Variants in FAAH2 observed in about 807,000 individuals in gnomAD.
The protein encoded by FAAH2 is fatty-acid amide hydrolase 2.
Under a neutral mutation model 36.9 loss-of-function variants are expected in FAAH2, and 60 were observed. The ratio of observed to expected loss-of-function variants is 1.63; its 90% CI spans 1.32 to 2.02. The LOEUF (loss-of-function observed/expected upper bound fraction) is 2.02, where lower values mean the gene tolerates loss of function less well. Among genes scored for constraint, FAAH2 ranks in the 30% most tolerant of loss-of-function variants. FAAH2 has a pLI of 0.00. For missense variants in FAAH2, 689 were observed against 397.5 expected, an observed-to-expected ratio of 1.73 and a Z score of -6.23; for synonymous variants, 214 against 143.8, an observed-to-expected ratio of 1.49 and a Z score of -3.49.
At chrX:57,475,036 G>A (rs1391568299) in intron 10 of FAAH2, among the ~76,000 whole-genome samples, 1 of 111,666 alleles carries the variant, frequency 9.0e-6, no homozygotes, top group Non-Finnish European at 1.9e-5. Context: ...CCCAATTTTT[G>A]ATGGGATTTT....
chrX:57,209,884 CT>C, the FAAH2 span, among the ~76,000 whole-genome samples: 4 of 110,664 alleles, frequency 3.6e-5, no homozygotes, highest in African/African-American at 1.3e-4. Flanking sequence ...CGAGTCCCCT[CT>C]GGCTATGACT....
intron 10 of FAAH2, among the ~76,000 whole-genome samples, chrX:57,475,285 A>G (rs62334728): frequency 8.9e-6 from 1 of 111,735 alleles, no homozygotes; most frequent in East Asian, 2.8e-4. Context: ...TATGTCCAGA[A>G]TGGTATTGCC....
intron 7 of FAAH2, among the ~76,000 whole-genome samples, chrX:57,403,654 C>G (rs776286533): frequency 4.4e-5 from 5 of 112,435 alleles, no homozygotes; most frequent in African/African-American, 1.3e-4. Flanking sequence ...GCAAACAGCT[C>G]GCACGTTTGA....
chrX:57,473,201 G>C (rs2057201900), intron 10 of FAAH2, among the ~76,000 whole-genome samples: 1 of 110,785 alleles, frequency 9.0e-6, no homozygotes, highest in African/African-American at 3.3e-5. Flanking sequence ...CTTTTTTGCT[G>C]TGTTTTAGAT....
the FAAH2 span, among the ~76,000 whole-genome samples, chrX:57,205,588 C>A: frequency 1.8e-5 from 2 of 112,223 alleles, no homozygotes; most frequent in Non-Finnish European, 3.8e-5. Context: ...ATTACAGGTA[C>A]AAGCTCTGCT....
intron 7 of FAAH2, among the ~76,000 whole-genome samples, chrX:57,430,039 AG>A (rs765330277): frequency 9.0e-5 from 10 of 111,384 alleles, no homozygotes; most frequent in Non-Finnish European, 1.3e-4. Context: ...AAAGGATGGG[AG>A]GGATCAGAGG....
chrX:57,173,403 T>A, the FAAH2 span, among the ~76,000 whole-genome samples: 1 of 112,278 alleles, frequency 8.9e-6, no homozygotes, highest in East Asian at 2.8e-4. Flanking sequence ...TGTATAGCAG[T>A]GCTACTGATT....
At chrX:57,414,557 G>T (rs959380253) in intron 7 of FAAH2, among the ~76,000 whole-genome samples, 2 of 111,619 alleles carry the variant, frequency 1.8e-5, no homozygotes, top group Admixed American at 9.6e-5. Flanking sequence ...TGCATCCCAG[G>T]GATGAAGCTG....
chrX:57,275,349 C>T, the FAAH2 span, among the ~76,000 whole-genome samples: 2 of 112,349 alleles, frequency 1.8e-5, no homozygotes, highest in African/African-American at 3.2e-5. Flanking sequence ...GGTGGAAAGG[C>T]CTGAGCCAAG....
chrX:57,161,831 C>G, the FAAH2 span, among the ~76,000 whole-genome samples: 12 of 111,690 alleles, frequency 1.1e-4, no homozygotes, highest in Admixed American at 8.5e-4. Flanking sequence ...CAGTCTGTGT[C>G]TTTTAAATGG....
At chrX:57,223,895 C>G in the FAAH2 span, among the ~76,000 whole-genome samples, 4 of 111,616 alleles carry the variant, frequency 3.6e-5, no homozygotes, top group Non-Finnish European at 7.5e-5. Context: ...AATGGGTTCT[C>G]CACACACCCT....
intron 10 of FAAH2, among the ~76,000 whole-genome samples, chrX:57,450,522 T>C (rs1275200243): frequency 8.9e-6 from 1 of 112,126 alleles, no homozygotes; most frequent in Non-Finnish European, 1.9e-5. Flanking sequence ...TTATTGTCTT[T>C]ACTAAAGCTG....
chrX:57,161,184 T>C, the FAAH2 span, among the ~76,000 whole-genome samples: 1 of 112,309 alleles, frequency 8.9e-6, no homozygotes, highest in African/African-American at 3.2e-5. Context: ...GAGAGTTTCT[T>C]AATCCTGAGT....
chrX:57,253,169 A>T, the FAAH2 span, among the ~76,000 whole-genome samples: 1 of 111,149 alleles, frequency 9.0e-6, no homozygotes, highest in Non-Finnish European at 1.9e-5. Flanking sequence ...GATATCAGTG[A>T]TTGAAGATCA....
chrX:57,350,047 T>A (rs1464208672), intron 5 of FAAH2, among the ~76,000 whole-genome samples: 1 of 110,735 alleles, frequency 9.0e-6, no homozygotes, highest in African/African-American at 3.3e-5. Context: ...ACTATCCAAC[T>A]AACAATGACC....
intron 10 of FAAH2, among the ~76,000 whole-genome samples, chrX:57,466,579 C>T (rs924240830): frequency 2.7e-5 from 3 of 110,404 alleles, no homozygotes; most frequent in Non-Finnish European, 5.7e-5. Context: ...ACACTCCAAT[C>T]AAACGGCAAA....
At chrX:57,404,942 C>T (rs2055529745) in intron 7 of FAAH2, among the ~76,000 whole-genome samples, 1 of 111,552 alleles carries the variant, frequency 9.0e-6, no homozygotes. Flanking sequence ...CCTCAGCTTC[C>T]CCAGAAAAAT....
chrX:57,456,227 A>C (rs891989508), intron 10 of FAAH2, among the ~76,000 whole-genome samples: 6 of 112,075 alleles, frequency 5.4e-5, no homozygotes, highest in Non-Finnish European at 1.1e-4. Flanking sequence ...TTAAGACAGT[A>C]ATTAAAAATT....
intron 7 of FAAH2, among the ~76,000 whole-genome samples, chrX:57,406,169 G>A (rs1247790021): frequency 3.0e-4 from 33 of 111,682 alleles, no homozygotes. Flanking sequence ...CTCCATATCT[G>A]GGTGCTTTCA....
Sources: allele counts gnomAD v4.1 joint callset (sites outside exome capture counted in the v4.1 genomes callset), GRCh38; gene constraint gnomAD v4.1.1; transcripts MANE v1.5; gene names NCBI Gene and HGNC (gene_info 2026-07-23, HGNC 2026-07-21).